ATRNL1: variants seen among roughly 807,000 people sequenced by gnomAD.
ATRNL1 encodes attractin like 1, also known as attractin-like protein 1.
ATRNL1 carries 95 observed loss-of-function variants against 182.7 expected under a neutral mutation model. The observed-to-expected ratio is 0.52, with a 90% CI of 0.44 to 0.62. The LOEUF (loss-of-function observed/expected upper bound fraction) is 0.62. ATRNL1 is among the 20% of genes least tolerant of loss of function. The probability of loss-of-function intolerance (pLI) is 0.00; values close to 1 mark genes in which losing one functional copy is unlikely to be tolerated. For synonymous variants in ATRNL1, 576 were observed against 568.3 expected, an observed-to-expected ratio of 1.01 and a Z score of -0.19; for missense variants, 1,471 against 1,679.5, an observed-to-expected ratio of 0.88 and a Z score of 2.17.
intron 26 of ATRNL1, among the ~76,000 whole-genome samples, chr10:115,714,428 G>A (rs558776108): frequency 3.9e-5 from 6 of 152,112 alleles, no homozygotes; most frequent in Admixed American, 2.0e-4. Context: ...GAGAGGCCAC[G>A]TTCCTCCCGC....
intron 24 of ATRNL1, among the ~76,000 whole-genome samples, chr10:115,506,111 T>C (rs1850098586): frequency 6.6e-6 from 1 of 152,080 alleles, no homozygotes; most frequent in Non-Finnish European, 1.5e-5. Flanking sequence ...TTCATTTCTT[T>C]TTCCCTTTTG....
chr10:115,532,544 C>T (rs1851661797), intron 25 of ATRNL1, among the ~76,000 whole-genome samples: 1 of 151,982 alleles, frequency 6.6e-6, no homozygotes, highest in African/African-American at 2.4e-5. Flanking sequence ...GTGGGGTTTT[C>T]TAGATATACA....
intron 10 of ATRNL1, among the ~76,000 whole-genome samples, chr10:115,260,175 C>T (rs1851335453): frequency 6.6e-6 from 1 of 152,128 alleles, no homozygotes; most frequent in Non-Finnish European, 1.5e-5. Flanking sequence ...TGTTTCTCTT[C>T]TGCAGGACTT....
At chr10:115,728,126 AAG>A (rs568554503) in intron 27 of ATRNL1, among the ~76,000 whole-genome samples, 55 of 71,760 alleles carry the variant, frequency 7.7e-4, no homozygotes, top group African/African-American at 1.7e-3. Context: ...AAAAAAAAAA[AAG>A]AAAAAAAAAA....
chr10:115,102,837 T>C (rs1843831986), intron 1 of ATRNL1, among the ~76,000 whole-genome samples: 1 of 152,190 alleles, frequency 6.6e-6, no homozygotes. Context: ...GAACTGTTTG[T>C]CAATTAAAAA....
intron 27 of ATRNL1, among the ~76,000 whole-genome samples, chr10:115,747,083 C>T (rs764502097): frequency 4.6e-5 from 7 of 152,038 alleles, no homozygotes; most frequent in Non-Finnish European, 1.0e-4. Context: ...GAAAACATGA[C>T]AGCTTTAATG....
chr10:115,301,512 C>G (rs1379006916), intron 16 of ATRNL1, among the ~76,000 whole-genome samples: 16 of 151,900 alleles, frequency 1.1e-4, no homozygotes, highest in Admixed American at 6.6e-4. Context: ...ATGTGGAATG[C>G]TATGGAAAAC....
At chr10:115,675,490 A>G (rs999684464) in intron 26 of ATRNL1, among the ~76,000 whole-genome samples, 1 of 152,108 alleles carries the variant, frequency 6.6e-6, no homozygotes, top group Non-Finnish European at 1.5e-5. Flanking sequence ...CTTAAGCCAA[A>G]CAGACATTTT....
At chr10:115,254,645 A>T (rs1851037664) in intron 10 of ATRNL1, among the ~76,000 whole-genome samples, 1 of 152,126 alleles carries the variant, frequency 6.6e-6, no homozygotes, top group Non-Finnish European at 1.5e-5. Flanking sequence ...GTTTAATTAG[A>T]TTCCATTTGT....
At chr10:115,559,445 C>T (rs12358838) in intron 26 of ATRNL1, among the ~76,000 whole-genome samples, 2,716 of 83,512 alleles carry the variant, frequency 0.033, 92 homozygotes, top group African/African-American at 0.098. Context: ...TGTGTGTGTG[C>T]GCGCGCGCAC....
At chr10:115,481,253 A>C (rs1355455706) in intron 24 of ATRNL1, among the ~76,000 whole-genome samples, 2 of 150,522 alleles carry the variant, frequency 1.3e-5, no homozygotes, top group African/African-American at 4.8e-5. Flanking sequence ...TTCAGATCAT[A>C]TACTTCCATA....
At chr10:115,195,965 GA>G (rs1286905053) in intron 8 of ATRNL1, among the ~76,000 whole-genome samples, 7 of 152,134 alleles carry the variant, frequency 4.6e-5, no homozygotes, top group African/African-American at 1.7e-4. Context: ...CCATTTGAGT[GA>G]ATTTTCATAT....
chr10:115,241,714 C>T lies in ATRNL1; in HGVS notation c.1676C>T (p.Ala559Val). 1 of 1,608,962 alleles carries T rather than the reference C, an allele frequency of 6.2e-7. No homozygotes were observed. Among genetic ancestry groups the T allele is most frequent in the Non-Finnish European group, 8.5e-7 (1 of 1,176,544 alleles). The change falls in exon 10 of 29, where the codon GCA (alanine) becomes GTA (valine). Residue 559 changes from alanine (A) to valine (V), a missense_variant. By Grantham distance (64) the Ala-to-Val change is moderately conservative. Around this residue, in one of 3 missense-constraint regions of ATRNL1, gnomAD observed 1,031 missense variants for 1,156.0 expected, o/e 0.89. Transcript: ENST00000355044. ...GAKCFSADFL[A>V]YDIACDEWKI... ...AAATGTTTTTCTGCCGATTTCCTGG[C>T]ATATGACATAGGTATGTATCTGTTA...
At chr10:115,195,877 G>A (rs1425062376) in intron 8 of ATRNL1, among the ~76,000 whole-genome samples, 1 of 152,042 alleles carries the variant, frequency 6.6e-6, no homozygotes, top group African/African-American at 2.4e-5. Flanking sequence ...CCTTTGCCAA[G>A]CTCAAGGTCA....
intron 26 of ATRNL1, among the ~76,000 whole-genome samples, chr10:115,659,411 A>T (rs963030802): frequency 4.0e-5 from 6 of 151,810 alleles, no homozygotes; most frequent in Non-Finnish European, 7.4e-5. Flanking sequence ...TCCTTTATTC[A>T]TTTCTTTATT....
chr10:115,447,893 C>T (rs1438636048), intron 21 of ATRNL1, among the ~76,000 whole-genome samples: 2 of 151,852 alleles, frequency 1.3e-5, no homozygotes, highest in Non-Finnish European at 2.9e-5. Context: ...ACTTCCTCAC[C>T]AACATTTTAT....
intron 9 of ATRNL1, among the ~76,000 whole-genome samples, chr10:115,239,854 C>G (rs1850341033): frequency 6.6e-6 from 1 of 152,126 alleles, no homozygotes; most frequent in Non-Finnish European, 1.5e-5. Context: ...CATGATCTTT[C>G]CCAGAACAGA....
chr10:115,422,698 C>T (rs1554962132), intron 20 of ATRNL1, among the ~76,000 whole-genome samples: 1 of 152,128 alleles, frequency 6.6e-6, no homozygotes, highest in African/African-American at 2.4e-5. Context: ...AAAAAAAGAA[C>T]AAGATCATGT....
intron 28 of ATRNL1, among the ~76,000 whole-genome samples, chr10:115,857,038 A>C (rs181962449): frequency 3.9e-5 from 6 of 152,312 alleles, no homozygotes; most frequent in Non-Finnish European, 1.5e-5. Context: ...TTACTCAAAA[A>C]TGAAGACAAT....
Sources: allele counts gnomAD v4.1 joint callset (sites outside exome capture counted in the v4.1 genomes callset), GRCh38; gene constraint gnomAD v4.1.1; regional missense constraint gnomAD v4.1.1; transcripts MANE v1.5; gene names NCBI Gene and HGNC (gene_info 2026-07-23, HGNC 2026-07-21).